The following ARHGEF37 variants were observed in gnomAD, a reference collection of about 807,000 sequenced individuals.
ARHGEF37 encodes the protein Rho guanine nucleotide exchange factor 37, also known as Rho guanine nucleotide exchange factor (GEF) 37.
Under a neutral mutation model 71.1 loss-of-function variants are expected in ARHGEF37, and 55 were observed. The ratio of observed to expected loss-of-function variants is 0.77; its 90% CI spans 0.62 to 0.97. The LOEUF is 0.97. Ranked by LOEUF, ARHGEF37 falls within the 50% of genes least tolerant of loss-of-function variation. The pLI is 0.00. For synonymous variants in ARHGEF37, 327 were observed against 350.6 expected, an observed-to-expected ratio of 0.93 and a Z score of 0.75; for missense variants, 765 against 836.8, an observed-to-expected ratio of 0.91 and a Z score of 1.06.
Position 149,632,140 on chromosome 5 carries a change from C to T in ARHGEF37, c.1977C>T (p.Phe659=). The T allele has an allele frequency of 6.2e-7, 1 of 1,614,260 alleles. No homozygotes were observed. The highest frequency in any genetic ancestry group is 2.2e-5 in the East Asian group (1 of 44,886). ...AGAGGGGTTATGTGCCTTCTGGCTT[C>T]TTGGCCAGGGCTCGGAGCCCAGTTC... is the stretch of plus-strand genomic sequence containing the variant. The part of the protein sequence containing the change: ...NGQRGYVPSG[F]LARARSPVLW... Residue 659 remains phenylalanine, a synonymous_variant, in exon 13 of 13, where the codon TTC becomes TTT. Transcript: ENST00000333677.
At chr5:149,556,486 C>T (rs193067723) in intron 1 of ARHGEF37, among the ~76,000 whole-genome samples, 4 of 152,252 alleles carry the variant, frequency 2.6e-5, no homozygotes, top group African/African-American at 7.2e-5. Context: ...CTCCCAGGTT[C>T]GAGCGATTCT....
At chr5:149,607,695 G>A (rs1763952149) in intron 3 of ARHGEF37, among the ~76,000 whole-genome samples, 1 of 151,962 alleles carries the variant, frequency 6.6e-6, no homozygotes, top group African/African-American at 2.4e-5. Context: ...ATGTTTTGGG[G>A]GCAGGGGGTG....
At chr5:149,598,333 C>CTTCTTCTTCTTCTT (rs1763625746) in intron 2 of ARHGEF37, among the ~76,000 whole-genome samples, 2 of 74,058 alleles carry the variant, frequency 2.7e-5, no homozygotes, top group African/African-American at 1.0e-4. Context: ...TTCTTTCTTC[C>CTTCTTCTTCTTCTT]TCTTCCTCTT....
intron 2 of ARHGEF37, among the ~76,000 whole-genome samples, chr5:149,598,934 G>A (rs569580432): frequency 6.6e-6 from 1 of 152,154 alleles, no homozygotes; most frequent in South Asian, 2.1e-4. Context: ...TTGGCCTGGT[G>A]CAGGAAGGCC....
At chr5:149,585,738 C>T (rs879515716) in intron 1 of ARHGEF37, among the ~76,000 whole-genome samples, 25 of 152,150 alleles carry the variant, frequency 1.6e-4, no homozygotes, top group Non-Finnish European at 3.1e-4. Flanking sequence ...AGGCTGGTCT[C>T]GAACTCCTGA....
chr5:149,604,084 A>T (rs959367039), intron 3 of ARHGEF37, among the ~76,000 whole-genome samples: 1 of 152,228 alleles, frequency 6.6e-6, no homozygotes, highest in Non-Finnish European at 1.5e-5. Flanking sequence ...GGGTCTAAGG[A>T]CTTTGAGCTC....
At chr5:149,626,078 T>C (rs1369865383) in intron 10 of ARHGEF37, among the ~76,000 whole-genome samples, 1 of 152,210 alleles carries the variant, frequency 6.6e-6, no homozygotes, top group Non-Finnish European at 1.5e-5. Flanking sequence ...TTTAAGGACC[T>C]GTTTAGAAAC....
At chr5:149,598,209 A>G in intron 2 of ARHGEF37, among the ~76,000 whole-genome samples, 1 of 152,114 alleles carries the variant, frequency 6.6e-6, no homozygotes. Flanking sequence ...TGGGAGACCT[A>G]TGTGAGCTAA....
chr5:149,615,213 G>C (rs1752340033), intron 4 of ARHGEF37, among the ~76,000 whole-genome samples: 2 of 151,712 alleles, frequency 1.3e-5, no homozygotes, highest in Admixed American at 6.6e-5. Context: ...GGAGTACAGT[G>C]GCATGATCAT....
At chr5:149,606,254 C>T (rs1194378970) in intron 3 of ARHGEF37, among the ~76,000 whole-genome samples, 2 of 152,240 alleles carry the variant, frequency 1.3e-5, no homozygotes, top group South Asian at 2.1e-4. Context: ...TGATCTCTCT[C>T]TCACACAGCT....
chr5:149,594,513 C>T (rs1052281135), intron 1 of ARHGEF37, among the ~76,000 whole-genome samples: 5 of 152,166 alleles, frequency 3.3e-5, no homozygotes, highest in African/African-American at 1.2e-4. Flanking sequence ...ATGTACTCTC[C>T]GATCTATGGA....
At chr5:149,582,114 G>A (rs577770985) in intron 1 of ARHGEF37, among the ~76,000 whole-genome samples, 1 of 152,322 alleles carries the variant, frequency 6.6e-6, no homozygotes, top group East Asian at 1.9e-4. Flanking sequence ...GAAAAGTCGT[G>A]CCAAAGCTGG....
At chr5:149,618,115 T>C in intron 5 of ARHGEF37, 61 bp from the exon 6 acceptor site, 1 of 1,601,822 alleles carries the variant, frequency 6.2e-7, no homozygotes, top group Non-Finnish European at 8.5e-7. Context: ...GGCATGTCCG[T>C]GACATCCACT....
chr5:149,578,864 G>A (rs534109534), upstream of ARHGEF37, among the ~76,000 whole-genome samples: 2 of 152,268 alleles, frequency 1.3e-5, no homozygotes, highest in East Asian at 3.9e-4. Flanking sequence ...AAGTCAACAA[G>A]TAGATTGCCG....
intron 9 of ARHGEF37, among the ~76,000 whole-genome samples, 159 bp downstream of exon 9, chr5:149,622,221 T>C (rs1243487977): frequency 2.0e-5 from 3 of 152,152 alleles, no homozygotes; most frequent in Non-Finnish European, 4.4e-5. Context: ...TCCAGATCTC[T>C]CTCATGCCCA....
At chr5:149,621,410 C>T (rs1375399171) in intron 8 of ARHGEF37, among the ~76,000 whole-genome samples, 4 of 151,936 alleles carry the variant, frequency 2.6e-5, no homozygotes, top group African/African-American at 9.7e-5. Flanking sequence ...TGCACTGCAG[C>T]CTGGGAGACA....
chr5:149,623,987 G>A, intron 9 of ARHGEF37, 25 bp from the exon 10 acceptor site: 1 of 1,578,918 alleles, frequency 6.3e-7, no homozygotes, highest in Non-Finnish European at 8.7e-7. Flanking sequence ...GCCCAGCTCT[G>A]TTGACAGTGT....
chr5:149,627,212 C>T lies in ARHGEF37; in HGVS notation c.1601C>T (p.Ala534Val). The T allele has an allele frequency of 1.2e-6, 2 of 1,614,082 alleles. No homozygotes were observed. Among genetic ancestry groups the T allele is most frequent in the Middle Eastern group, 1.7e-4 (1 of 6,060 alleles). ...ACTCTGCCTCGGGGCCAAATCGTGG[C>T]CATCCTTCAAAACAAGGACACCAAA... Reference protein sequence around the residue: ...DLTLPRGQIVAILQNKDTKGN... With the variant: ...DLTLPRGQIVVILQNKDTKGN... Residue 534 changes from alanine to valine, a missense_variant, in exon 11 of 13, where the codon GCC becomes GTC. This residue lies in a region of ARHGEF37 where 390 missense variants were observed against 407.4 expected (regional missense o/e 0.96). Transcript: ENST00000333677.
intron 1 of ARHGEF37, among the ~76,000 whole-genome samples, chr5:149,588,651 G>C (rs935325353): frequency 3.3e-5 from 5 of 152,040 alleles, no homozygotes; most frequent in African/African-American, 1.2e-4. Context: ...CTTCACCTTT[G>C]ACAGCTTTCT....
Sources: allele counts gnomAD v4.1 joint callset (sites outside exome capture counted in the v4.1 genomes callset), GRCh38; gene constraint gnomAD v4.1.1; regional missense constraint gnomAD v4.1.1; transcripts MANE v1.5; gene names NCBI Gene and HGNC (gene_info 2026-07-23, HGNC 2026-07-21).